The following SNX29 variants were observed in gnomAD, a reference collection of about 807,000 sequenced individuals.
SNX29 encodes sorting nexin 29.
A neutral mutation model predicts 102.1 loss-of-function variants in SNX29; 78 were observed. The observed-to-expected ratio is 0.76, with a 90% CI of 0.64 to 0.92. SNX29 has a LOEUF of 0.92. Among genes scored for constraint, SNX29 ranks in the 40% least tolerant of loss-of-function variants. The pLI is 0.00. For synonymous variants in SNX29, 580 were observed against 414.5 expected (o/e 1.40, Z -4.85); for missense variants, 1,280 against 1,061.7 (o/e 1.21, Z -2.86).
At chr16:12,135,885 A>G (rs1465831081) in intron 13 of SNX29, 3 of 332,438 alleles carry the variant, frequency 9.0e-6, no homozygotes, top group African/African-American at 4.3e-5. Flanking sequence ...AGGTCCAGGA[A>G]GGGGCTTCTG....
intron 14 of SNX29, among the ~76,000 whole-genome samples, chr16:12,263,728 G>C (rs1261630431): frequency 6.6e-6 from 1 of 152,332 alleles, no homozygotes; most frequent in Non-Finnish European, 1.5e-5. Context: ...CATCCCTAGT[G>C]AGAGTGACAA....
At chr16:12,334,277 T>A (rs1201590510) in intron 15 of SNX29, among the ~76,000 whole-genome samples, 2 of 152,182 alleles carry the variant, frequency 1.3e-5, no homozygotes, top group Admixed American at 1.3e-4. Context: ...TTGGGGCAAC[T>A]TTCACAGCAA....
At chr16:12,553,803 G>C (rs1271241278) in intron 20 of SNX29, among the ~76,000 whole-genome samples, 1 of 151,988 alleles carries the variant, frequency 6.6e-6, no homozygotes, top group African/African-American at 2.4e-5. Context: ...GGTCAGGCTA[G>C]TCTCGAACTC....
chr16:12,365,303 C>T (rs917574285), intron 16 of SNX29, among the ~76,000 whole-genome samples: 1 of 147,698 alleles, frequency 6.8e-6, no homozygotes, highest in African/African-American at 2.5e-5. Context: ...CTTATCTCTC[C>T]TTCTCACTTC....
intron 4 of SNX29, among the ~76,000 whole-genome samples, chr16:12,031,462 T>C (rs1342258850): frequency 3.3e-5 from 5 of 151,862 alleles, no homozygotes; most frequent in Non-Finnish European, 7.4e-5. Flanking sequence ...CCTTCCTTCC[T>C]TCCCCAGCTC....
At chr16:12,078,797 G>T in intron 10 of SNX29, 36 bp from the exon 11 acceptor site, 1 of 1,556,368 alleles carries the variant, frequency 6.4e-7, no homozygotes, top group South Asian at 1.2e-5. Flanking sequence ...ACTTTCAGTG[G>T]CCGAGTGTAA....
intron 20 of SNX29, among the ~76,000 whole-genome samples, chr16:12,525,230 C>G (rs888384943): frequency 2.4e-4 from 37 of 151,974 alleles, no homozygotes; most frequent in African/African-American, 8.7e-4. Context: ...AAAGTTCTCC[C>G]AGACTCCTAC....
chr16:12,396,750 G>T (rs907059631), intron 16 of SNX29, among the ~76,000 whole-genome samples: 1 of 152,194 alleles, frequency 6.6e-6, no homozygotes, highest in Non-Finnish European at 1.5e-5. Context: ...TGAGTGAAAT[G>T]CATGGAGTGG....
intron 18 of SNX29, among the ~76,000 whole-genome samples, chr16:12,412,617 G>A (rs1380577724): frequency 2.0e-5 from 3 of 152,236 alleles, no homozygotes; most frequent in Non-Finnish European, 4.4e-5. Context: ...GTCTTCGCGT[G>A]TTAGGCTTTG....
chr16:12,469,550 G>T (rs988653402), intron 18 of SNX29, among the ~76,000 whole-genome samples: 1 of 152,172 alleles, frequency 6.6e-6, no homozygotes, highest in African/African-American at 2.4e-5. Context: ...GGGGATCAGG[G>T]TTTTAAGGAG....
intron 14 of SNX29, among the ~76,000 whole-genome samples, chr16:12,263,119 G>A (rs1332974261): frequency 6.6e-6 from 1 of 151,160 alleles, no homozygotes. Flanking sequence ...TCTCTTCTTG[G>A]ACTGTTGTCC....
At chr16:12,528,375 T>G (rs975806277) in intron 20 of SNX29, among the ~76,000 whole-genome samples, 1 of 152,064 alleles carries the variant, frequency 6.6e-6, no homozygotes, top group Non-Finnish European at 1.5e-5. Flanking sequence ...TTTTGTATTT[T>G]TTATAGTAGA....
intron 13 of SNX29, among the ~76,000 whole-genome samples, chr16:12,157,185 A>T (rs573224790): frequency 1.6e-4 from 25 of 152,136 alleles, no homozygotes; most frequent in Non-Finnish European, 2.6e-4. Context: ...GCATTCATCC[A>T]CCAACATCCA....
chr16:12,545,098 G>A (rs1024855249), intron 20 of SNX29, among the ~76,000 whole-genome samples: 9 of 152,264 alleles, frequency 5.9e-5, no homozygotes, highest in Middle Eastern at 3.4e-3. Context: ...TCAGACCCAG[G>A]CTGCAGTAGC....
intron 18 of SNX29, among the ~76,000 whole-genome samples, chr16:12,469,078 G>C (rs1294587189): frequency 1.3e-5 from 2 of 152,184 alleles, no homozygotes; most frequent in African/African-American, 4.8e-5. Flanking sequence ...GCACAGACTG[G>C]CTGGGTCTCT....
chr16:12,166,539 C>T (rs1008957851), intron 13 of SNX29, among the ~76,000 whole-genome samples: 2 of 152,180 alleles, frequency 1.3e-5, no homozygotes, highest in Admixed American at 6.5e-5. Flanking sequence ...GGGAGCGTGG[C>T]GCTCAGTTCA....
At chr16:12,383,727 C>T (rs893990809) in intron 16 of SNX29, among the ~76,000 whole-genome samples, 12 of 151,082 alleles carry the variant, frequency 7.9e-5, no homozygotes, top group South Asian at 2.1e-4. Context: ...TGAGCCAGCA[C>T]GCCCAGCCTG....
chr16:12,572,605 C>G lies in SNX29; in HGVS notation c.*3976C>G. The G allele has an allele frequency of 9.4e-7, 1 of 1,063,838 alleles. No individual in the cohort carries two copies. Among genetic ancestry groups the G allele is most frequent in the Non-Finnish European group, 1.1e-6 (1 of 878,316 alleles). The allele number at this position is 1,063,838 out of a possible 1,614,324, so 65.9% of individuals were successfully genotyped here. A position where few individuals can be genotyped will look rare whatever the true frequency, so the allele number is the denominator to read the frequency against. On this transcript the variant is annotated 3_prime_UTR_variant, in exon 21 of 21. Coordinates refer to ENST00000566228, the MANE Select transcript of SNX29 (RefSeq NM_032167.5). ...CTCTGGGCTCCCAGTGAGCCCCCTC[C>G]CCTCCGGCTACCCCCAGAATCCATC...
At position 12,110,075 on chromosome 16, in the gene SNX29, G is replaced by A. The variant is rs975791846; in HGVS notation, c.1403-16558G>A. ...ATCTCACTGTCCTGCCGTCTGCACTGGGCAAAGTGAATACGGAGGCTCCGA... is the reference window on the plus strand; with the variant it reads ...ATCTCACTGTCCTGCCGTCTGCACTAGGCAAAGTGAATACGGAGGCTCCGA... On this transcript the variant is annotated intron_variant, in intron 11 of 20. Coordinates refer to ENST00000566228, the MANE Select transcript of SNX29 (RefSeq NM_032167.5). Among the ~76,000 whole-genome samples, 7 of 152,102 alleles carry A rather than the reference G, an allele frequency of 4.6e-5. 1 individual carries two copies. Among genetic ancestry groups the A allele is most frequent in the African/African-American group, 1.7e-4 (7 of 41,402 alleles).
Sources: gnomAD v4.1 joint callset for allele counts (sites outside exome capture counted in the v4.1 genomes callset) on GRCh38, gnomAD v4.1.1 for gene constraint, MANE v1.5 for transcripts, NCBI Gene and HGNC (gene_info 2026-07-23, HGNC 2026-07-21) for gene names.